FRMD4A: variants seen among roughly 807,000 people sequenced by gnomAD.
The protein encoded by FRMD4A is FERM domain containing 4A, also known as FERM domain-containing protein 4A.
A neutral mutation model predicts 129.1 loss-of-function variants in FRMD4A; 29 were observed. The ratio of observed to expected loss-of-function variants is 0.22; its 90% CI spans 0.17 to 0.31. The LOEUF (loss-of-function observed/expected upper bound fraction) is 0.31, where lower values mean the gene tolerates loss of function less well. Among genes scored for constraint, FRMD4A ranks in the 10% least tolerant of loss-of-function variants. The pLI is 1.00. For synonymous variants in FRMD4A, 634 were observed against 571.6 expected (o/e 1.11, Z -1.56); for missense variants, 1,272 against 1,375.8 (o/e 0.92, Z 1.19).
At chr10:13,693,635 C>A in intron 15 of FRMD4A, 1 of 664,516 alleles carries the variant, frequency 1.5e-6, no homozygotes, top group East Asian at 4.1e-5. Context: ...TACCTGAAGA[C>A]ACTTAAGTGT....
At chr10:13,685,303 C>T (rs1369943559) in intron 15 of FRMD4A, 1 of 985,362 alleles carries the variant, frequency 1.0e-6, no homozygotes, top group Non-Finnish European at 1.2e-6. Context: ...TGCTTTCTGG[C>T]TAGATTCCAT....
At chr10:14,185,647 G>C (rs952539792) in intron 2 of FRMD4A, among the ~76,000 whole-genome samples, 4 of 152,190 alleles carry the variant, frequency 2.6e-5, no homozygotes, top group East Asian at 1.9e-4. Flanking sequence ...AGAGCTGCAG[G>C]GGCGGTTGTT....
chr10:13,911,105 A>G (rs1005350853), intron 2 of FRMD4A, among the ~76,000 whole-genome samples: 5 of 152,184 alleles, frequency 3.3e-5, no homozygotes, highest in Non-Finnish European at 5.9e-5. Context: ...AGGAGAACAA[A>G]TACAAACAAA....
At chr10:13,865,075 A>G (rs563020124) in intron 2 of FRMD4A, among the ~76,000 whole-genome samples, 147 of 152,188 alleles carry the variant, frequency 9.7e-4, no homozygotes, top group Middle Eastern at 3.4e-3. Flanking sequence ...CCTGGGCTCA[A>G]TTGATCCTCC....
rs148286353 is a variant in FRMD4A at position 14,045,716 on chromosome 10, A to T, written c.46-186804T>A. On this transcript the variant is annotated intron_variant, in intron 2 of 24. Transcript: ENST00000357447. Reference sequence around the variant, plus strand: ...ATATAATTATATTATAATATTTATCATATTATATTAGATATAATTGTCTAC... The same window carrying T: ...ATATAATTATATTATAATATTTATCTTATTATATTAGATATAATTGTCTAC... Among the ~76,000 whole-genome samples the T allele has an allele frequency of 0.011, 1,622 of 146,088 alleles. 61 individuals are homozygous for T. The East Asian group carries it at 0.11, about 10-fold the overall frequency.
chr10:14,185,896 G>A, intron 2 of FRMD4A, among the ~76,000 whole-genome samples: 1 of 152,198 alleles, frequency 6.6e-6, no homozygotes, highest in East Asian at 1.9e-4. Flanking sequence ...CAGCAACAGG[G>A]CAGAGAGAGA....
At chr10:13,696,651 G>C (rs966590758) in intron 14 of FRMD4A, among the ~76,000 whole-genome samples, 1 of 152,210 alleles carries the variant, frequency 6.6e-6, no homozygotes, top group African/African-American at 2.4e-5. Context: ...GGCTGAGGCA[G>C]GAGAATTGCT....
intron 2 of FRMD4A, chr10:14,087,398 A>C (rs1053659835): frequency 1.3e-5 from 2 of 149,930 alleles, no homozygotes; most frequent in African/African-American, 2.4e-5. Context: ...ATTCTATTTA[A>C]TTCCAAGCAT....
At chr10:14,197,716 A>G (rs959276932) in intron 2 of FRMD4A, among the ~76,000 whole-genome samples, 1 of 152,180 alleles carries the variant, frequency 6.6e-6, no homozygotes, top group African/African-American at 2.4e-5. Flanking sequence ...ATTTCATTCA[A>G]TTGTCTTGCA....
In FRMD4A at chr10:14,206,536, G is replaced by A. The variant is rs578237650; in HGVS notation, c.45+123522C>T. On this transcript the variant is annotated intron_variant, in intron 2 of 24. Transcript: ENST00000357447. ...AGAAAGACTGGGCTCAGTGGCTCAC[G>A]CCTGTAATCCCAACACTTTGGGAGG... Among the ~76,000 whole-genome samples the A allele has an allele frequency of 1.5e-3, 227 of 152,080 alleles. No individual in the cohort carries two copies. The South Asian group carries it at 0.016, about 10-fold the overall frequency.
chr10:13,990,482 G>T (rs1317728382), intron 2 of FRMD4A, among the ~76,000 whole-genome samples: 1 of 152,166 alleles, frequency 6.6e-6, no homozygotes, highest in South Asian at 2.1e-4. Context: ...AGCATGTCTG[G>T]GAGTGTGCTA....
chr10:14,298,021 A>T (rs963178417), intron 2 of FRMD4A, among the ~76,000 whole-genome samples: 4 of 152,234 alleles, frequency 2.6e-5, no homozygotes. Flanking sequence ...CTGAGGGCCA[A>T]ATCCAACCCA....
intron 3 of FRMD4A, among the ~76,000 whole-genome samples, chr10:13,816,972 A>G (rs956482275): frequency 6.6e-6 from 1 of 152,232 alleles, no homozygotes; most frequent in Admixed American, 6.5e-5. Flanking sequence ...CTCTTAGCCC[A>G]TAATTAGCTT....
chr10:13,783,800 T>C (rs946912064), intron 5 of FRMD4A, among the ~76,000 whole-genome samples: 8 of 152,232 alleles, frequency 5.3e-5, no homozygotes, highest in Admixed American at 5.2e-4. Flanking sequence ...CTCTTAACAC[T>C]GTGATATGAA....
At chr10:14,036,294 TC>T (rs1833500250) in intron 2 of FRMD4A, among the ~76,000 whole-genome samples, 1 of 152,196 alleles carries the variant, frequency 6.6e-6, no homozygotes, top group African/African-American at 2.4e-5. Flanking sequence ...TTATTATGTT[TC>T]GCCCCATCAT....
At chr10:13,939,727 C>T (rs934853385) in intron 2 of FRMD4A, among the ~76,000 whole-genome samples, 3 of 152,142 alleles carry the variant, frequency 2.0e-5, no homozygotes, top group Non-Finnish European at 2.9e-5. Context: ...ACAGTGACCC[C>T]CTCTCAGACA....
chr10:14,048,375 G>A (rs922257861), intron 2 of FRMD4A, among the ~76,000 whole-genome samples: 2 of 152,202 alleles, frequency 1.3e-5, no homozygotes, highest in Non-Finnish European at 2.9e-5. Flanking sequence ...CTCATTTTGT[G>A]GGACTGATTT....
chr10:13,884,196 T>TCACACTCACACTCACA lies in FRMD4A; in HGVS notation c.46-25285_46-25284insTGTGAGTGTGAGTGTG, dbSNP rs2094588235. ...CACACTCACACACACACACACACACTCACACACACACTCACACACACACAC... is the reference window on the plus strand; with the variant it reads ...CACACTCACACACACACACACACACTCACACTCACACTCACACACACACACACTCACACACACACAC... On this transcript the variant is annotated intron_variant, in intron 2 of 24. Transcript: ENST00000357447. Among the ~76,000 whole-genome samples, 108 of 108,580 alleles carry TCACACTCACACTCACA rather than the reference T, an allele frequency of 9.9e-4. 1 individual carries two copies. The highest frequency in any genetic ancestry group is 3.7e-3 in the African/African-American group (104 of 27,880). 71.2% of individuals were successfully genotyped at this position (108,580 alleles called of 152,430 possible). A position where few individuals can be genotyped will look rare whatever the true frequency, so the allele number is the denominator to read the frequency against.
At position 13,645,562 on chromosome 10, in the gene FRMD4A, A is replaced by G. The variant is rs1564491732; in HGVS notation, c.*1476T>C. On this transcript the variant is annotated 3_prime_UTR_variant, in exon 25 of 25. Transcript: ENST00000357447. ...GTAAACGTGCAGCTCCCACACATTA[A>G]TTTTTTTCTTCTTTCCTCCTCTTTT... 2 of 152,422 alleles carry G rather than the reference A, an allele frequency of 1.3e-5. No individual in the cohort carries two copies. The highest frequency in any genetic ancestry group is 4.8e-5 in the African/African-American group (2 of 41,368). The allele number at this position is 152,422 out of a possible 1,614,324, so 9.4% of individuals were successfully genotyped here.
Sources: allele counts gnomAD v4.1 joint callset (sites outside exome capture counted in the v4.1 genomes callset), GRCh38; gene constraint gnomAD v4.1.1; transcripts MANE v1.5; gene names NCBI Gene and HGNC (gene_info 2026-07-23, HGNC 2026-07-21).